The following HPCAL4 variants were observed in gnomAD, a reference collection of about 807,000 sequenced individuals.
HPCAL4 encodes the protein hippocalcin like 4, also known as hippocalcin-like protein 4.
Under a neutral mutation model 18.2 loss-of-function variants are expected in HPCAL4, and 16 were observed. That is an observed-to-expected ratio of 0.88 (90% CI 0.59 to 1.33). HPCAL4 has a LOEUF of 1.33. Among genes scored for constraint, HPCAL4 ranks in the 40% most tolerant of loss-of-function variants. The pLI is 0.00. For missense variants in HPCAL4, 214 were observed against 256.6 expected (o/e 0.83, Z 1.14); for synonymous variants, 80 against 97.5 (o/e 0.82, Z 1.06).
intron 1 of HPCAL4, among the ~76,000 whole-genome samples, chr1:39,690,079 G>T (rs1429674221): frequency 6.6e-6 from 1 of 152,190 alleles, no homozygotes; most frequent in Admixed American, 6.5e-5. Flanking sequence ...GTGGGAGGAG[G>T]TAGCCTGTAC....
At chr1:39,684,751 T>C in intron 1 of HPCAL4, 140 bp from the exon 2 acceptor site, 2 of 660,894 alleles carry the variant, frequency 3.0e-6, no homozygotes, top group South Asian at 2.4e-5. Flanking sequence ...GGGCCTCCTC[T>C]CCCCTCACAA....
rs551922015 is a variant in HPCAL4, at chr1:39,685,557, C to T, written c.-8-946G>A. On this transcript the variant is annotated intron_variant, in intron 1 of 3. Transcript: ENST00000372844. The stretch of plus-strand genomic sequence containing the variant: ...GAGACCAGCCTAGGCAATACAGTGA[C>T]ACCTAGTCTCTACAAAAAATTTAAA... Among the ~76,000 whole-genome samples, 7 of 152,272 alleles carry T rather than the reference C, an allele frequency of 4.6e-5. No homozygotes were observed. In the South Asian group the frequency reaches 1.5e-3, roughly 32 times the overall value.
intron 1 of HPCAL4, among the ~76,000 whole-genome samples, chr1:39,687,405 C>T (rs1646684301): frequency 6.6e-6 from 1 of 152,206 alleles, no homozygotes; most frequent in South Asian, 2.1e-4. Context: ...ACAGCCTCTC[C>T]AGCTGTCTTC....
intron 1 of HPCAL4, among the ~76,000 whole-genome samples, chr1:39,686,647 G>C (rs1646678025): frequency 6.6e-6 from 1 of 152,206 alleles, no homozygotes; most frequent in Non-Finnish European, 1.5e-5. Context: ...GAAGGATCAA[G>C]AGTTATTCCC....
rs1007459923 is a variant in HPCAL4, at chr1:39,680,789, A to G, written c.*1747T>C. 6.6e-6 allele frequency: 1 copy of G among 152,368 alleles called. No homozygotes were observed. The highest frequency in any genetic ancestry group is 2.1e-4 in the South Asian group (1 of 4,830). 9.4% of individuals were successfully genotyped at this position (152,368 alleles called of 1,614,324 possible). A position where few individuals can be genotyped will look rare whatever the true frequency, so the allele number is the denominator to read the frequency against. On this transcript the variant is annotated 3_prime_UTR_variant, in exon 4 of 4. Transcript: ENST00000372844. ...GTGGCCTTGCTACCTCCAAGGGCCC[A>G]GTAGAGCTTGGGACCAAGCTCTATT...
rs1646629412 is a variant in HPCAL4 at position 39,681,921 on chromosome 1, C to T, written c.*615G>A. 1 of 153,096 alleles carries T rather than the reference C, an allele frequency of 6.5e-6. No homozygotes were observed. Among genetic ancestry groups the T allele is most frequent in the Non-Finnish European group, 1.5e-5 (1 of 68,442 alleles). 9.5% of individuals were successfully genotyped at this position (153,096 alleles called of 1,614,324 possible). A position where few individuals can be genotyped will look rare whatever the true frequency, so the allele number is the denominator to read the frequency against. ...CAGCACCTTCTGCTTAGCTGAGACCCTGACGGCTGGAAGTTTGCCTCACAA... is the reference window on the plus strand; with the variant it reads ...CAGCACCTTCTGCTTAGCTGAGACCTTGACGGCTGGAAGTTTGCCTCACAA... On this transcript the variant is annotated 3_prime_UTR_variant, in exon 4 of 4. Coordinates refer to ENST00000372844, the MANE Select transcript of HPCAL4 (RefSeq NM_016257.4).
At chr1:39,686,027 A>G (rs1044009214) in intron 1 of HPCAL4, among the ~76,000 whole-genome samples, 1 of 150,932 alleles carries the variant, frequency 6.6e-6, no homozygotes, top group Admixed American at 6.6e-5. Context: ...TAAAAATACA[A>G]AAAATTAGCC....
chr1:39,687,156 A>T (rs1646682160), intron 1 of HPCAL4, among the ~76,000 whole-genome samples: 1 of 152,210 alleles, frequency 6.6e-6, no homozygotes, highest in Admixed American at 6.5e-5. Context: ...CCCCACTCCC[A>T]GAGGATGAGG....
At chr1:39,685,504 T>G (rs1262950140) in intron 1 of HPCAL4, among the ~76,000 whole-genome samples, 7 of 152,068 alleles carry the variant, frequency 4.6e-5, no homozygotes, top group Admixed American at 4.6e-4. Context: ...GAGGCTGAGA[T>G]GAGAGGACAG....
rs1646618206 is a variant in HPCAL4 at position 39,680,754 on chromosome 1, T to G, written c.*1782A>C. 1 of 152,154 alleles carries G rather than the reference T, an allele frequency of 6.6e-6. No homozygotes were observed. Among genetic ancestry groups the G allele is most frequent in the African/African-American group, 2.4e-5 (1 of 41,416 alleles). 9.4% of individuals were successfully genotyped at this position (152,154 alleles called of 1,614,324 possible). A position where few individuals can be genotyped will look rare whatever the true frequency, so the allele number is the denominator to read the frequency against. ...GTGGTTGCTATCCCCAGCAAGAGGA[T>G]AGCAACCCAGTGGCCTTGCTACCTC... On this transcript the variant is annotated 3_prime_UTR_variant, in exon 4 of 4. Transcript: ENST00000372844.
At chr1:39,684,750 CT>C (rs1158474145) in intron 1 of HPCAL4, 139 bp from the exon 2 acceptor site, 7 of 673,518 alleles carry the variant, frequency 1.0e-5, no homozygotes, top group Admixed American at 6.8e-5. Flanking sequence ...GGGGCCTCCT[CT>C]CCCCTCACAA....
chr1:39,683,692 G>A (rs368753735), intron 3 of HPCAL4, among the ~76,000 whole-genome samples: 8 of 152,354 alleles, frequency 5.3e-5, no homozygotes, highest in African/African-American at 1.9e-4. Flanking sequence ...AGACTCCCTG[G>A]ATTGGAATCA....
At chr1:39,683,491 T>C (rs964113911) in intron 3 of HPCAL4, among the ~76,000 whole-genome samples, 1 of 152,228 alleles carries the variant, frequency 6.6e-6, no homozygotes, top group Non-Finnish European at 1.5e-5. Flanking sequence ...AACTTCTCCA[T>C]CACGCGCTCT....
rs1646597698 is a variant in HPCAL4 at position 39,678,951 on chromosome 1, A to C, written c.*3585T>G. The C allele has an allele frequency of 1.3e-5, 2 of 152,230 alleles. No individual in the cohort carries two copies. The highest frequency in any genetic ancestry group is 2.9e-5 in the Non-Finnish European group (2 of 68,046). 9.4% of individuals were successfully genotyped at this position (152,230 alleles called of 1,614,324 possible). ...GGCAAAGGTAAAAAGAAAACCTCGA[A>C]AATTCCAGAAAGAAAATCCCATATT... is the stretch of plus-strand genomic sequence containing the variant. On this transcript the variant is annotated 3_prime_UTR_variant, in exon 4 of 4. Coordinates refer to ENST00000372844, the MANE Select transcript of HPCAL4 (RefSeq NM_016257.4).
chr1:39,690,700 CTG>C (rs1010582316), intron 1 of HPCAL4, among the ~76,000 whole-genome samples: 2 of 151,824 alleles, frequency 1.3e-5, no homozygotes, highest in African/African-American at 4.8e-5. Context: ...GCTGTCGAGA[CTG>C]TGAGGAGAAA....
At chr1:39,691,049 C>T in intron 1 of HPCAL4, 1 of 152,816 alleles carries the variant, frequency 6.5e-6, no homozygotes, top group Non-Finnish European at 1.5e-5. Flanking sequence ...GGGGCCATAG[C>T]AATGGTTGTT....
intron 2 of HPCAL4, 71 bp downstream of exon 2, chr1:39,684,371 C>T: frequency 8.1e-7 from 1 of 1,241,738 alleles, no homozygotes; most frequent in Non-Finnish European, 1.0e-6. Context: ...GCCCTGCCTC[C>T]CTCACCCCCG....
At position 39,682,236 on chromosome 1, in the gene HPCAL4, C is replaced by T. The variant is rs556394850; in HGVS notation, c.*300G>A. On this transcript the variant is annotated 3_prime_UTR_variant, in exon 4 of 4. Coordinates refer to ENST00000372844, the MANE Select transcript of HPCAL4 (RefSeq NM_016257.4). ...AATTCCTAACCAGAACCCCAGGCCC[C>T]CAACTCCTTAACCTCACCTCCTGGG... is the stretch of plus-strand genomic sequence containing the variant. The T allele has an allele frequency of 2.6e-6, 1 of 385,796 alleles. No individual in the cohort carries two copies. The highest frequency in any genetic ancestry group is 3.1e-5 in the South Asian group (1 of 32,528). The allele number at this position is 385,796 out of a possible 1,614,324, so 23.9% of individuals were successfully genotyped here.
rs148790733 is a variant in HPCAL4 at position 39,682,494 on chromosome 1, G to A, written c.*42C>T. 13 of 1,596,562 alleles carry A rather than the reference G, an allele frequency of 8.1e-6. No homozygotes were observed. The highest frequency in any genetic ancestry group is 1.7e-4 in the Middle Eastern group (1 of 5,774). ...AGAGAGGTCATCAGGTTGGGAGGTG[G>A]CCATGCCCCTTCTGGCCAGGGACCC... is the stretch of plus-strand genomic sequence containing the variant. On this transcript the variant is annotated 3_prime_UTR_variant, in exon 4 of 4. Transcript: ENST00000372844.
Sources: allele counts gnomAD v4.1 joint callset (sites outside exome capture counted in the v4.1 genomes callset), GRCh38; gene constraint gnomAD v4.1.1; transcripts MANE v1.5; gene names NCBI Gene and HGNC (gene_info 2026-07-23, HGNC 2026-07-21).